AP1G1: variants seen among roughly 807,000 people sequenced by gnomAD.
AP1G1 encodes the protein adaptor related protein complex 1 subunit gamma 1.
A neutral mutation model predicts 108.3 loss-of-function variants in AP1G1; 7 were observed. That is an observed-to-expected ratio of 0.06 (90% confidence interval 0.04 to 0.12). The LOEUF (loss-of-function observed/expected upper bound fraction) is 0.12. Ranked by LOEUF, AP1G1 falls within the 10% of genes least tolerant of loss-of-function variation. The pLI, the probability that AP1G1 is intolerant of heterozygous loss-of-function variation, is 1.00. For missense variants in AP1G1, 756 were observed against 1,010.7 expected (o/e 0.75, Z 3.42); for synonymous variants, 379 against 353.5 (o/e 1.07, Z -0.81).
intron 1 of AP1G1, among the ~76,000 whole-genome samples, chr16:71,796,110 G>C (rs1037161886): frequency 6.6e-6 from 1 of 152,164 alleles, no homozygotes; most frequent in Admixed American, 6.6e-5. Flanking sequence ...GGTGGCGCAT[G>C]CGTCTGTAGT....
At chr16:71,805,181 C>T (rs1009530676) in intron 1 of AP1G1, among the ~76,000 whole-genome samples, 1 of 152,102 alleles carries the variant, frequency 6.6e-6, no homozygotes, top group Non-Finnish European at 1.5e-5. Context: ...GCAGTGGCTC[C>T]TCCTGCCTGT....
At chr16:71,776,003 G>C (rs764940761) in intron 2 of AP1G1, among the ~76,000 whole-genome samples, 39 of 152,056 alleles carry the variant, frequency 2.6e-4, no homozygotes, top group Non-Finnish European at 4.9e-4. Context: ...ATTACCTCTA[G>C]AGCAGTATTC....
intron 2 of AP1G1, among the ~76,000 whole-genome samples, chr16:71,776,981 C>T (rs1309078662): frequency 3.3e-5 from 5 of 151,242 alleles, no homozygotes; most frequent in Admixed American, 1.3e-4. Flanking sequence ...TGGTGGTGGG[C>T]GCCTGTAATC....
intron 11 of AP1G1, 164 bp downstream of exon 11, chr16:71,758,644 A>G (rs2030928687): frequency 3.2e-6 from 2 of 617,132 alleles, no homozygotes; most frequent in Non-Finnish European, 5.8e-6. Context: ...TAAAAAAAGG[A>G]TTCACTGAGC....
intron 13 of AP1G1, among the ~76,000 whole-genome samples, chr16:71,753,286 G>A (rs1416422628): frequency 1.3e-5 from 2 of 152,138 alleles, no homozygotes; most frequent in Non-Finnish European, 2.9e-5. Flanking sequence ...CAAATCCTGA[G>A]TAACTTTAGC....
At chr16:71,769,230 C>T (rs1200267288) in intron 6 of AP1G1, among the ~76,000 whole-genome samples, 1 of 151,808 alleles carries the variant, frequency 6.6e-6, no homozygotes, top group Non-Finnish European at 1.5e-5. Context: ...TTGCAGTGAG[C>T]TGAGATCACG....
chr16:71,754,257 G>C (rs1302008195), intron 12 of AP1G1, among the ~76,000 whole-genome samples: 1 of 141,998 alleles, frequency 7.0e-6, no homozygotes, highest in Non-Finnish European at 1.5e-5. Context: ...AGAGAAGAAA[G>C]AAAAGAAAGA....
At chr16:71,794,388 T>C (rs941841117) in intron 1 of AP1G1, among the ~76,000 whole-genome samples, 2 of 152,186 alleles carry the variant, frequency 1.3e-5, no homozygotes, top group Admixed American at 6.6e-5. Context: ...GTCCTGTTTT[T>C]TTAAAGCAAA....
chr16:71,753,658 T>A, intron 13 of AP1G1, 175 bp downstream of exon 13: 1 of 651,888 alleles, frequency 1.5e-6, no homozygotes, highest in Non-Finnish European at 2.7e-6. Flanking sequence ...TATCCTGCCA[T>A]CATTATATTC....
intron 15 of AP1G1, 65 bp downstream of exon 15, chr16:71,749,829 A>G: frequency 2.2e-6 from 3 of 1,360,102 alleles, no homozygotes; most frequent in Non-Finnish European, 2.1e-6. Context: ...CTCCCCATTA[A>G]ACACTACTCT....
intron 19 of AP1G1, among the ~76,000 whole-genome samples, chr16:71,741,626 G>C (rs933091206): frequency 6.6e-6 from 1 of 152,114 alleles, no homozygotes; most frequent in East Asian, 1.9e-4. Flanking sequence ...TTAGCAAAGA[G>C]AATAGAAATA....
intron 1 of AP1G1, among the ~76,000 whole-genome samples, chr16:71,800,317 G>A (rs2032744505): frequency 6.9e-6 from 1 of 145,534 alleles, no homozygotes; most frequent in South Asian, 2.2e-4. Context: ...CTTGCAGTGA[G>A]CCGAGATCGC....
At chr16:71,782,310 T>C (rs1447697321) in intron 2 of AP1G1, among the ~76,000 whole-genome samples, 2 of 151,302 alleles carry the variant, frequency 1.3e-5, no homozygotes, top group Non-Finnish European at 2.9e-5. Context: ...ATTACAGGTA[T>C]CTGCCACCAT....
At position 71,774,604 on chromosome 16, in the gene AP1G1, GA is replaced by G. The variant is rs535416353; in HGVS notation, c.202-13del. The G allele has an allele frequency of 0.014, 14,852 of 1,040,968 alleles. No individual in the cohort carries two copies. The highest frequency in any genetic ancestry group is 0.034 in the South Asian group (1,715 of 50,126). 64.5% of individuals were successfully genotyped at this position (1,040,968 alleles called of 1,614,324 possible). ...TTGAGGCACTCCAACTGCAAAAAAA[GA>G]AAAAAAAAAAGAAGGAAATTAAAAC... On this transcript the variant is annotated splice_polypyrimidine_tract_variant and intron_variant, in intron 2 of 22. Coordinates refer to ENST00000299980, the MANE Select transcript of AP1G1 (RefSeq NM_001128.6).
At chr16:71,738,815 G>GT in intron 21 of AP1G1, 127 bp downstream of exon 21, 1 of 834,444 alleles carries the variant, frequency 1.2e-6, no homozygotes, top group Non-Finnish European at 1.8e-6. Flanking sequence ...CTACATTATT[G>GT]TTAGTTTGAA....
Position 71,773,338 on chromosome 16 carries a change from G to T in AP1G1, c.351C>A (p.Phe117Leu). Residue 117 changes from phenylalanine to leucine, a missense_variant, in exon 4 of 23, where the codon TTC (phenylalanine) becomes TTA (leucine). Physicochemically the swap from Phe to Leu is conservative, Grantham distance 22. Around this residue, in one of 3 missense-constraint regions of AP1G1, gnomAD observed 304 missense variants for 483.6 expected, o/e 0.63. Coordinates refer to ENST00000299980, the MANE Select transcript of AP1G1 (RefSeq NM_001128.6). ...IKNDLNHSTQFVQGLALCTLG... is the reference protein window; with the variant it reads ...IKNDLNHSTQLVQGLALCTLG... ...GGGTACAAAGTGCTAACCCCTGTAC[G>T]AATTGCGTGCTATGATTAAGATCAC... 6.4e-7 allele frequency: 1 copy of T among 1,551,196 alleles called. No individual in the cohort carries two copies. Among genetic ancestry groups the T allele is most frequent in the Non-Finnish European group, 8.6e-7 (1 of 1,156,702 alleles).
At chr16:71,774,668 A>G in intron 2 of AP1G1, 76 bp from the exon 3 acceptor site, 2 of 1,458,284 alleles carry the variant, frequency 1.4e-6, no homozygotes, top group Non-Finnish European at 1.8e-6. Flanking sequence ...TTTTTAACCC[A>G]GAGTCCCCAG....
At chr16:71,750,560 A>T (rs1294588972) in intron 13 of AP1G1, 3 of 417,442 alleles carry the variant, frequency 7.2e-6, no homozygotes, top group African/African-American at 6.1e-5. Flanking sequence ...GACTACAGGT[A>T]CATGCCACCA....
chr16:71,789,547 C>T, intron 1 of AP1G1, 65 bp from the exon 2 acceptor site: 2 of 1,477,108 alleles, frequency 1.4e-6, no homozygotes, highest in Non-Finnish European at 9.4e-7. Flanking sequence ...ATTCACACAA[C>T]TTCCCATTTA....
Sources: gnomAD v4.1 joint callset for allele counts (sites outside exome capture counted in the v4.1 genomes callset) on GRCh38, gnomAD v4.1.1 for gene constraint, gnomAD v4.1.1 regional missense constraint, MANE v1.5 for transcripts, NCBI Gene and HGNC (gene_info 2026-07-23, HGNC 2026-07-21) for gene names.